GRM8: variants seen among roughly 807,000 people sequenced by gnomAD.
GRM8 encodes the protein metabotropic glutamate receptor 8.
In GRM8, 47 loss-of-function variants were observed where a neutral mutation model predicts 87.2. The ratio of observed to expected loss-of-function variants is 0.54; its 90% CI spans 0.43 to 0.69. GRM8 has a LOEUF of 0.69. Ranked by LOEUF, GRM8 falls within the 30% of genes least tolerant of loss-of-function variation. The probability of loss-of-function intolerance (pLI) is 0.00; values close to 1 mark genes in which losing one functional copy is unlikely to be tolerated. For synonymous variants in GRM8, 396 were observed against 404.5 expected (o/e 0.98, Z 0.25); for missense variants, 1,019 against 1,139.2 (o/e 0.89, Z 1.52).
intron 8 of GRM8, among the ~76,000 whole-genome samples, chr7:126,557,785 A>G (rs1793305898): frequency 1.3e-5 from 2 of 152,134 alleles, no homozygotes; most frequent in Admixed American, 6.5e-5. Context: ...GTACGTATAT[A>G]TGTATGTGTA....
chr7:126,671,133 C>T (rs1806336600), intron 7 of GRM8, among the ~76,000 whole-genome samples: 1 of 152,166 alleles, frequency 6.6e-6, no homozygotes, highest in Non-Finnish European at 1.5e-5. Flanking sequence ...TGGCCTCATA[C>T]CCTTGTCCAT....
At chr7:126,686,292 G>A (rs1585519739) in intron 7 of GRM8, among the ~76,000 whole-genome samples, 1 of 152,060 alleles carries the variant, frequency 6.6e-6, no homozygotes, top group East Asian at 1.9e-4. Flanking sequence ...CATTCTTCCT[G>A]GACTCAGGAC....
intron 7 of GRM8, among the ~76,000 whole-genome samples, chr7:126,718,071 A>C (rs1399094337): frequency 1.3e-5 from 2 of 151,834 alleles, no homozygotes; most frequent in African/African-American, 2.4e-5. Context: ...TCTCTACTAA[A>C]AAAAAAATAC....
At position 127,079,820 on chromosome 7, in the gene GRM8, G is replaced by A. The variant is rs1822661529; in HGVS notation, c.727+26676C>T. 2.0e-5 allele frequency among the ~76,000 whole-genome samples: 3 copies of A among 148,150 alleles called. No individual in the cohort carries two copies. The South Asian group carries it at 6.4e-4, about 31-fold the overall frequency. ...TTATCAAACAAAAAGGCCCCCAATG[G>A]AGACTTCGTAGGTATTTTTTTTTCC... On this transcript the variant is annotated intron_variant, in intron 3 of 10. Transcript: ENST00000339582.
chr7:126,807,360 A>G (rs1792874183), intron 6 of GRM8, among the ~76,000 whole-genome samples: 1 of 152,176 alleles, frequency 6.6e-6, no homozygotes, highest in East Asian at 1.9e-4. Context: ...AAGGAATAAG[A>G]TTTCTCAGGC....
chr7:126,830,348 C>T (rs568188926), intron 6 of GRM8, among the ~76,000 whole-genome samples: 18 of 152,312 alleles, frequency 1.2e-4, no homozygotes, highest in East Asian at 3.9e-4. Context: ...ACCAATCAGA[C>T]GCAGATTTGG....
intron 8 of GRM8, among the ~76,000 whole-genome samples, chr7:126,544,339 A>T (rs1168131467): frequency 6.6e-6 from 1 of 152,170 alleles, no homozygotes; most frequent in Non-Finnish European, 1.5e-5. Flanking sequence ...GGCTTTAGGC[A>T]GTAGGCAGAT....
chr7:126,676,761 C>CA (rs1563082601), intron 7 of GRM8, among the ~76,000 whole-genome samples: 1 of 152,008 alleles, frequency 6.6e-6, no homozygotes, highest in Non-Finnish European at 1.5e-5. Context: ...CACCTGAAAC[C>CA]AAAAAGCCTC....
At chr7:126,575,584 T>C (rs1466615169) in intron 8 of GRM8, among the ~76,000 whole-genome samples, 1 of 152,014 alleles carries the variant, frequency 6.6e-6, no homozygotes, top group Non-Finnish European at 1.5e-5. Context: ...TAAAATCTGC[T>C]ACTTGACTCA....
At chr7:127,183,133 TG>T (rs1794559381) in intron 2 of GRM8, among the ~76,000 whole-genome samples, 1 of 151,946 alleles carries the variant, frequency 6.6e-6, no homozygotes, top group Non-Finnish European at 1.5e-5. Context: ...AAAAGGAAGC[TG>T]GAATAACTAT....
At chr7:126,453,070 AACACACACAC>A (rs71177555) in intron 9 of GRM8, among the ~76,000 whole-genome samples, 43,562 of 145,944 alleles carry the variant, frequency 0.3, 6,528 homozygotes, top group Middle Eastern at 0.43. Context: ...TTATAGCAGA[AACACACACAC>A]ACACACACAC....
chr7:126,715,453 A>C (rs145695444), intron 7 of GRM8, among the ~76,000 whole-genome samples: 9 of 152,304 alleles, frequency 5.9e-5, no homozygotes, highest in Non-Finnish European at 1.2e-4. Flanking sequence ...AAAGTGTGTA[A>C]GTTTTGATGA....
intron 3 of GRM8, among the ~76,000 whole-genome samples, chr7:126,939,134 A>C (rs980291433): frequency 2.6e-5 from 4 of 152,012 alleles, no homozygotes; most frequent in African/African-American, 9.7e-5. Context: ...TATGAGACTG[A>C]CCTCTTTCTC....
chr7:126,609,948 T>C (rs1798750523), intron 7 of GRM8, among the ~76,000 whole-genome samples: 1 of 152,162 alleles, frequency 6.6e-6, no homozygotes, highest in African/African-American at 2.4e-5. Context: ...TTTTCCAAAC[T>C]CTCTAAAGCA....
chr7:127,105,989 T>A (rs1413075657), intron 3 of GRM8, among the ~76,000 whole-genome samples: 1 of 151,772 alleles, frequency 6.6e-6, no homozygotes, highest in Non-Finnish European at 1.5e-5. Flanking sequence ...AGCTTCAGAG[T>A]TTTAAGAATA....
At chr7:126,803,978 T>C (rs1240694154) in intron 6 of GRM8, among the ~76,000 whole-genome samples, 1 of 151,984 alleles carries the variant, frequency 6.6e-6, no homozygotes, top group East Asian at 1.9e-4. Flanking sequence ...TTGAGTACCT[T>C]TTCTTTTGTT....
intron 2 of GRM8, among the ~76,000 whole-genome samples, chr7:127,115,086 C>A (rs1463717183): frequency 6.6e-6 from 1 of 152,148 alleles, no homozygotes; most frequent in Non-Finnish European, 1.5e-5. Flanking sequence ...CAGCCCCTGG[C>A]AACCTCAAAA....
chr7:127,214,542 G>A (rs1192250306), intron 2 of GRM8, among the ~76,000 whole-genome samples: 1 of 152,184 alleles, frequency 6.6e-6, no homozygotes, highest in Non-Finnish European at 1.5e-5. Context: ...GGCTGGGGAG[G>A]CCTGAGGAAA....
At chr7:126,976,263 T>C (rs1355046400) in intron 3 of GRM8, among the ~76,000 whole-genome samples, 1 of 152,180 alleles carries the variant, frequency 6.6e-6, no homozygotes, top group Non-Finnish European at 1.5e-5. Context: ...AAAACTACGA[T>C]GTTCTTAAAT....
Sources: allele counts gnomAD v4.1 joint callset (sites outside exome capture counted in the v4.1 genomes callset), GRCh38; gene constraint gnomAD v4.1.1; transcripts MANE v1.5; gene names NCBI Gene and HGNC (gene_info 2026-07-23, HGNC 2026-07-21).